The following FHOD3 variants were observed in gnomAD, a reference collection of about 807,000 sequenced individuals.
The protein encoded by FHOD3 is formin homology 2 domain containing 3.
FHOD3 carries 90 observed loss-of-function variants against 173.0 expected under a neutral mutation model. The ratio of observed to expected loss-of-function variants is 0.52; its 90% CI spans 0.44 to 0.62. The LOEUF is 0.62. Among genes scored for constraint, FHOD3 ranks in the 20% least tolerant of loss-of-function variants. The pLI is 0.00. For missense variants in FHOD3, 1,945 were observed against 2,034.7 expected, an observed-to-expected ratio of 0.96 and a Z score of 0.85; for synonymous variants, 828 against 823.0, an observed-to-expected ratio of 1.01 and a Z score of -0.10.
intron 9 of FHOD3, among the ~76,000 whole-genome samples, chr18:36,617,848 A>G (rs114817631): frequency 0.01 from 1,572 of 152,130 alleles, 21 homozygotes; most frequent in African/African-American, 0.036. Context: ...ATTTTTTTCT[A>G]TGGAAACTGG....
At chr18:36,508,776 A>AG (rs888191821) in intron 4 of FHOD3, among the ~76,000 whole-genome samples, 4 of 152,328 alleles carry the variant, frequency 2.6e-5, no homozygotes, top group African/African-American at 9.6e-5. Flanking sequence ...AAATAGTTGA[A>AG]GGGAAGTCTT....
chr18:36,739,575 G>C (rs896715213), intron 20 of FHOD3, among the ~76,000 whole-genome samples: 1 of 152,150 alleles, frequency 6.6e-6, no homozygotes, highest in Admixed American at 6.5e-5. Context: ...TCTTGTCTGC[G>C]TTGAGTCTTT....
intron 10 of FHOD3, among the ~76,000 whole-genome samples, chr18:36,645,339 G>C (rs1365982058): frequency 6.6e-6 from 1 of 152,124 alleles, no homozygotes; most frequent in Non-Finnish European, 1.5e-5. Context: ...AGAATCACTT[G>C]AACTCAGGAA....
intron 24 of FHOD3, among the ~76,000 whole-genome samples, chr18:36,747,621 C>G (rs1479052765): frequency 6.6e-6 from 1 of 152,246 alleles, no homozygotes; most frequent in Non-Finnish European, 1.5e-5. Context: ...CATCACAGCA[C>G]TGTCCTCTGG....
chr18:36,468,822 G>A (rs928726607), intron 3 of FHOD3, among the ~76,000 whole-genome samples: 2 of 152,148 alleles, frequency 1.3e-5, no homozygotes, highest in African/African-American at 2.4e-5. Flanking sequence ...ACCTGGGAGT[G>A]CAAGCCACCT....
chr18:36,717,342 A>G (rs549361693), intron 18 of FHOD3, among the ~76,000 whole-genome samples: 1 of 152,312 alleles, frequency 6.6e-6, no homozygotes, highest in East Asian at 1.9e-4. Context: ...GTGAACCTAA[A>G]GAGTGATCAG....
intron 5 of FHOD3, among the ~76,000 whole-genome samples, chr18:36,550,085 C>A (rs12953392): frequency 0.57 from 85,830 of 151,010 alleles, 24,444 homozygotes; most frequent in African/African-American, 0.59. Flanking sequence ...CTTTTATTAG[C>A]GAAAACTTCT....
Position 36,617,368 on chromosome 18 carries a change from T to C in FHOD3, c.957+5273T>C, listed in dbSNP as rs73433506. On this transcript the variant is annotated intron_variant, in intron 9 of 28. Coordinates refer to ENST00000590592, the MANE Select transcript of FHOD3 (RefSeq NM_001281740.3). Reference sequence around the variant, plus strand: ...TGTCTGTTTTCAAGCTTTTTATAAATGGAATCGTATCTTTTGACTCTTTGT... The same window carrying C: ...TGTCTGTTTTCAAGCTTTTTATAAACGGAATCGTATCTTTTGACTCTTTGT... 6.0e-3 allele frequency among the ~76,000 whole-genome samples: 914 copies of C among 152,318 alleles called. 4 individuals are homozygous for C. Among genetic ancestry groups the C allele is most frequent in the African/African-American group, 0.02 (827 of 41,570 alleles).
intron 12 of FHOD3, 99 bp from the exon 13 acceptor site, chr18:36,653,243 G>C (rs947294416): frequency 3.2e-6 from 3 of 939,556 alleles, no homozygotes; most frequent in African/African-American, 1.7e-5. Context: ...CTTGTACCAA[G>C]CCAGGTGGCA....
intron 7 of FHOD3, among the ~76,000 whole-genome samples, chr18:36,596,595 A>C (rs1184765772): frequency 6.6e-6 from 1 of 152,162 alleles, no homozygotes; most frequent in East Asian, 1.9e-4. Flanking sequence ...AATGAAAAGC[A>C]TCCAGGACCT....
At chr18:36,573,020 T>C (rs1012451951) in intron 5 of FHOD3, among the ~76,000 whole-genome samples, 30 of 151,964 alleles carry the variant, frequency 2.0e-4, no homozygotes, top group Non-Finnish European at 2.4e-4. Context: ...CTTGGAGCTC[T>C]TCCATGAGGT....
intron 3 of FHOD3, among the ~76,000 whole-genome samples, chr18:36,406,821 A>G (rs2049098205): frequency 6.6e-6 from 1 of 152,184 alleles, no homozygotes; most frequent in African/African-American, 2.4e-5. Context: ...AGGCCCCACT[A>G]GGGTACTCTC....
At chr18:36,341,099 A>G (rs2848589) in intron 1 of FHOD3, among the ~76,000 whole-genome samples, 116,007 of 152,140 alleles carry the variant, frequency 0.76, 44,399 homozygotes, top group Middle Eastern at 0.84. Context: ...TGTCAATCTT[A>G]GGCAAGTTAT....
In FHOD3 at chr18:36,732,723, G is replaced by A. The variant is rs141512993; in HGVS notation, c.3576+1919G>A. Among the ~76,000 whole-genome samples the A allele has an allele frequency of 6.7e-3, 1,019 of 152,254 alleles. 8 individuals carry two copies. The highest frequency in any genetic ancestry group is 0.011 in the Non-Finnish European group (735 of 68,014). On this transcript the variant is annotated intron_variant, in intron 20 of 28. Transcript: ENST00000590592. ...GAGAGACTGAGGCAGTTGCCAGATC[G>A]CAGGAAGGGGCAGGCCAGGCCTCAG...
At chr18:36,543,104 T>C (rs1305007855) in intron 5 of FHOD3, among the ~76,000 whole-genome samples, 1 of 152,186 alleles carries the variant, frequency 6.6e-6, no homozygotes, top group East Asian at 1.9e-4. Flanking sequence ...GGGTCCTTCC[T>C]GAGCGTCCAG....
intron 6 of FHOD3, among the ~76,000 whole-genome samples, chr18:36,579,558 G>C (rs925280046): frequency 6.6e-6 from 1 of 152,138 alleles, no homozygotes; most frequent in Non-Finnish European, 1.5e-5. Context: ...AGTGTCAAGA[G>C]GTGTTTAGGT....
intron 19 of FHOD3, among the ~76,000 whole-genome samples, chr18:36,724,317 C>T (rs940633068): frequency 1.4e-4 from 22 of 152,196 alleles, no homozygotes; most frequent in African/African-American, 5.3e-4. Context: ...GACTTTCTGC[C>T]CCACGGAGTG....
At chr18:36,511,847 T>C (rs919001266) in intron 4 of FHOD3, among the ~76,000 whole-genome samples, 1 of 152,180 alleles carries the variant, frequency 6.6e-6, no homozygotes. Context: ...GGCGGTCCTT[T>C]CGAGGGATTG....
chr18:36,422,840 G>A (rs1207795469), intron 3 of FHOD3, among the ~76,000 whole-genome samples: 3 of 152,190 alleles, frequency 2.0e-5, no homozygotes, highest in African/African-American at 7.2e-5. Flanking sequence ...AAACCTGTAG[G>A]AAGGGTGTAT....
Sources: gnomAD v4.1 joint callset for allele counts (sites outside exome capture counted in the v4.1 genomes callset) on GRCh38, gnomAD v4.1.1 for gene constraint, MANE v1.5 for transcripts, NCBI Gene and HGNC (gene_info 2026-07-23, HGNC 2026-07-21) for gene names.